ST3GAL3: variants seen among roughly 807,000 people sequenced by gnomAD.
ST3GAL3 encodes CMP-N-acetylneuraminate-beta-1,4-galactoside alpha-2,3-sialyltransferase.
A neutral mutation model predicts 50.1 loss-of-function variants in ST3GAL3; 21 were observed. The ratio of observed to expected loss-of-function variants is 0.42; its 90% confidence interval spans 0.30 to 0.60. The LOEUF (loss-of-function observed/expected upper bound fraction) is 0.60. Ranked by LOEUF, ST3GAL3 falls within the 20% of genes least tolerant of loss-of-function variation. ST3GAL3 has a pLI of 0.19. For synonymous variants in ST3GAL3, 183 were observed against 190.0 expected (o/e 0.96, Z 0.30); for missense variants, 353 against 489.4 (o/e 0.72, Z 2.63).
At chr1:43,810,437 A>T (rs927686001) in intron 3 of ST3GAL3, among the ~76,000 whole-genome samples, 2 of 152,102 alleles carry the variant, frequency 1.3e-5, no homozygotes, top group African/African-American at 4.8e-5. Context: ...GCATTATGAG[A>T]AGGGTTTGAC....
intron 1 of ST3GAL3, among the ~76,000 whole-genome samples, chr1:43,719,768 A>G (rs957982868): frequency 1.3e-5 from 2 of 152,020 alleles, no homozygotes; most frequent in Non-Finnish European, 2.9e-5. Flanking sequence ...GCCCGTCTCT[A>G]CTAAAAATAC....
intron 2 of ST3GAL3, among the ~76,000 whole-genome samples, chr1:43,756,778 G>A (rs1688286819): frequency 6.6e-6 from 1 of 152,182 alleles, no homozygotes; most frequent in Admixed American, 6.5e-5. Flanking sequence ...GCCCTCTAGG[G>A]AGCAGAATGG....
At chr1:43,835,270 C>T (rs1193932460) in intron 4 of ST3GAL3, among the ~76,000 whole-genome samples, 12 of 152,150 alleles carry the variant, frequency 7.9e-5, no homozygotes, top group Admixed American at 5.9e-4. Context: ...AGTTGGCGAC[C>T]GTTAATCTTG....
chr1:43,824,188 T>G (rs1265525346), intron 4 of ST3GAL3, among the ~76,000 whole-genome samples: 1 of 152,162 alleles, frequency 6.6e-6, no homozygotes, highest in Non-Finnish European at 1.5e-5. Context: ...ATCCAGATCT[T>G]TCAAATATTG....
At chr1:43,725,689 C>T (rs1403290175) in intron 1 of ST3GAL3, among the ~76,000 whole-genome samples, 10 of 152,118 alleles carry the variant, frequency 6.6e-5, no homozygotes, top group African/African-American at 2.4e-4. Flanking sequence ...CTCTGTCACC[C>T]AGGCTGGAGT....
At chr1:43,878,821 C>G (rs1391723630) in intron 5 of ST3GAL3, among the ~76,000 whole-genome samples, 6 of 152,264 alleles carry the variant, frequency 3.9e-5, no homozygotes, top group Admixed American at 6.5e-5. Context: ...TGGTGGAAGG[C>G]AGATCTCTGA....
At chr1:43,752,778 G>A (rs1284121427) in intron 2 of ST3GAL3, among the ~76,000 whole-genome samples, 1 of 152,150 alleles carries the variant, frequency 6.6e-6, no homozygotes, top group Non-Finnish European at 1.5e-5. Flanking sequence ...GCTGGCATGA[G>A]CCACCACGTC....
intron 1 of ST3GAL3, among the ~76,000 whole-genome samples, chr1:43,727,627 C>T (rs1673583029): frequency 6.6e-6 from 1 of 152,178 alleles, no homozygotes; most frequent in Admixed American, 6.5e-5. Flanking sequence ...AGAAAGCCAT[C>T]AGTTTTAACA....
intron 2 of ST3GAL3, among the ~76,000 whole-genome samples, chr1:43,788,715 C>A (rs939812511): frequency 3.3e-5 from 5 of 152,272 alleles, no homozygotes; most frequent in African/African-American, 1.2e-4. Flanking sequence ...ATGTATCAGT[C>A]ATTAGTTAGG....
In ST3GAL3 at chr1:43,870,969, A is replaced by G. The variant is rs146434257; in HGVS notation, c.303-23414A>G. ...GGCTTAGTCCTCCCAGTACCGAGGT[A>G]AGGATTCTGAGAAGTAACCCCTGTG... is the stretch of plus-strand genomic sequence containing the variant. On this transcript the variant is annotated intron_variant, in intron 5 of 11. Coordinates refer to ENST00000347631, the MANE Select transcript of ST3GAL3 (RefSeq NM_006279.5). 3.6e-3 allele frequency among the ~76,000 whole-genome samples: 542 copies of G among 152,246 alleles called. 5 individuals carry two copies. Among genetic ancestry groups the G allele is most frequent in the African/African-American group, 0.013 (524 of 41,548 alleles).
chr1:43,716,991 C>T (rs1465932505), intron 1 of ST3GAL3, among the ~76,000 whole-genome samples: 1 of 152,162 alleles, frequency 6.6e-6, no homozygotes. Context: ...AGATTTACGT[C>T]ATTTGTTTAT....
At chr1:43,712,154 TAAAC>T (rs1173535906) in intron 1 of ST3GAL3, among the ~76,000 whole-genome samples, 1 of 152,308 alleles carries the variant, frequency 6.6e-6, no homozygotes, top group South Asian at 2.1e-4. Flanking sequence ...TTGTGAGAAT[TAAAC>T]AAGTCAGTTC....
intron 4 of ST3GAL3, among the ~76,000 whole-genome samples, chr1:43,827,473 T>G (rs2062963834): frequency 6.6e-6 from 1 of 152,148 alleles, no homozygotes; most frequent in Non-Finnish European, 1.5e-5. Context: ...TAAATGGATA[T>G]TCCACATTTT....
At chr1:43,761,950 CAAAAAAA>C (rs67747915) in intron 2 of ST3GAL3, among the ~76,000 whole-genome samples, 12 of 68,880 alleles carry the variant, frequency 1.7e-4, no homozygotes, top group African/African-American at 4.8e-4. Context: ...CACTCTGTCT[CAAAAAAA>C]AAAAAAAAAA....
In ST3GAL3 at chr1:43,867,810, A is replaced by T. The variant is rs185470404; in HGVS notation, c.303-26573A>T. Among the ~76,000 whole-genome samples the T allele has an allele frequency of 4.0e-3, 607 of 152,302 alleles. 2 individuals carry two copies. The highest frequency in any genetic ancestry group is 6.8e-3 in the South Asian group (33 of 4,828). On this transcript the variant is annotated intron_variant, in intron 5 of 11. Transcript: ENST00000347631. ...TTGAGTTGGTAATTTTTTAAGGAAG[A>T]AGAAAACAGAATGACCTAACTCTGA...
At chr1:43,777,823 C>T (rs1302545282) in intron 2 of ST3GAL3, among the ~76,000 whole-genome samples, 1 of 152,098 alleles carries the variant, frequency 6.6e-6, no homozygotes, top group Non-Finnish European at 1.5e-5. Flanking sequence ...AATAGATAAA[C>T]TACAGAATGG....
chr1:43,778,588 A>G (rs1413754512), intron 2 of ST3GAL3, among the ~76,000 whole-genome samples: 1 of 152,078 alleles, frequency 6.6e-6, no homozygotes, highest in Admixed American at 6.5e-5. Context: ...GTATTTAGTA[A>G]GATATTCAAT....
At chr1:43,849,610 T>C (rs527285787) in intron 5 of ST3GAL3, among the ~76,000 whole-genome samples, 1 of 152,320 alleles carries the variant, frequency 6.6e-6, no homozygotes, top group African/African-American at 2.4e-5. Flanking sequence ...GGTTTCCTGA[T>C]TATGGGAGGG....
chr1:43,782,102 T>C (rs978685225), intron 2 of ST3GAL3, among the ~76,000 whole-genome samples: 3 of 152,238 alleles, frequency 2.0e-5, no homozygotes, highest in African/African-American at 7.2e-5. Flanking sequence ...AGCATCCTAA[T>C]TGGCAAACCC....
Sources: gnomAD v4.1 joint callset for allele counts (sites outside exome capture counted in the v4.1 genomes callset) on GRCh38, gnomAD v4.1.1 for gene constraint, MANE v1.5 for transcripts, NCBI Gene and HGNC (gene_info 2026-07-23, HGNC 2026-07-21) for gene names.